The following DKK4 variants were observed in gnomAD, a reference collection of about 807,000 sequenced individuals.
DKK4 encodes the protein dickkopf-related protein 4.
DKK4 carries 15 observed loss-of-function variants against 14.5 expected under a neutral mutation model. That is an observed-to-expected ratio of 1.03 (90% CI 0.69 to 1.59). DKK4 has a LOEUF of 1.59. Among genes scored for constraint, DKK4 ranks in the 40% most tolerant of loss-of-function variants. The pLI, the probability that DKK4 is intolerant of heterozygous loss-of-function variation, is 0.00. For missense variants in DKK4, 272 were observed against 280.3 expected (o/e 0.97, Z 0.21); for synonymous variants, 89 against 105.2 (o/e 0.85, Z 0.94).
At chr8:42,379,384 G>T (rs34874272), upstream of DKK4, among the ~76,000 whole-genome samples, 5,115 of 17,358 alleles carry the variant, frequency 0.29, 194 homozygotes, top group East Asian at 0.33. Flanking sequence ...TATATAGAGA[G>T]AGAGAGAGAG....
At chr8:42,376,253 G>C (rs1455120477) in intron 1 of DKK4, among the ~76,000 whole-genome samples, 3 of 152,076 alleles carry the variant, frequency 2.0e-5, no homozygotes, top group African/African-American at 7.2e-5. Flanking sequence ...ATTTAGCTTA[G>C]AGACCCTTCC....
chr8:42,386,912 A>C, the DKK4 span, among the ~76,000 whole-genome samples: 1 of 152,148 alleles, frequency 6.6e-6, no homozygotes, highest in East Asian at 1.9e-4. Context: ...CTGTTTTTTC[A>C]ATCTCTGAGA....
At chr8:42,377,823 G>A (rs574999609), upstream of DKK4, among the ~76,000 whole-genome samples, 3 of 152,334 alleles carry the variant, frequency 2.0e-5, no homozygotes, top group African/African-American at 7.2e-5. Flanking sequence ...TCCTTTAAAT[G>A]AAAATTGAAC....
chr8:42,381,629 C>G (rs116377230), upstream of DKK4, among the ~76,000 whole-genome samples: 453 of 152,312 alleles, frequency 3.0e-3, 5 homozygotes, highest in African/African-American at 0.01. Context: ...CTGCCCTGAT[C>G]TGTGCATACG....
At chr8:42,390,114 G>A in the DKK4 span, among the ~76,000 whole-genome samples, 1 of 151,880 alleles carries the variant, frequency 6.6e-6, no homozygotes, top group Admixed American at 6.6e-5. Flanking sequence ...GGCTGGTCTC[G>A]AACTCCTGAC....
At chr8:42,390,353 GCTTC>G in the DKK4 span, among the ~76,000 whole-genome samples, 1 of 139,898 alleles carries the variant, frequency 7.1e-6, no homozygotes, top group Non-Finnish European at 1.5e-5. Context: ...CATATCTTTT[GCTTC>G]CTTTTTTTTT....
chr8:42,375,585 C>T (rs117141009), intron 2 of DKK4, 95 bp downstream of exon 2: 26,253 of 1,428,456 alleles, frequency 0.018, 330 homozygotes, highest in Non-Finnish European at 0.021. Context: ...ATCTAGGAAG[C>T]ACCATTAGAG....
chr8:42,378,943 CA>C (rs1166439885), upstream of DKK4, among the ~76,000 whole-genome samples: 405 of 49,466 alleles, frequency 8.2e-3, 1 homozygote, highest in Middle Eastern at 0.029. Context: ...CCTGTCTCCA[CA>C]AAAAAAAAAA....
upstream of DKK4, among the ~76,000 whole-genome samples, chr8:42,380,314 G>A (rs1824648672): frequency 6.6e-6 from 1 of 151,208 alleles, no homozygotes; most frequent in South Asian, 2.1e-4. Flanking sequence ...GACAGAGCGA[G>A]ACCCTGTCCT....
chr8:42,380,122 C>T (rs1299999674), upstream of DKK4, among the ~76,000 whole-genome samples: 3 of 152,074 alleles, frequency 2.0e-5, no homozygotes, highest in African/African-American at 7.2e-5. Context: ...CACTTGAAGC[C>T]AGGAGTTCAA....
chr8:42,386,986 C>G, the DKK4 span, among the ~76,000 whole-genome samples: 1 of 152,188 alleles, frequency 6.6e-6, no homozygotes, highest in Non-Finnish European at 1.5e-5. Context: ...TACCTTGGCT[C>G]AGCGGGTGAC....
the DKK4 span, among the ~76,000 whole-genome samples, chr8:42,390,616 G>T: frequency 6.6e-6 from 1 of 152,028 alleles, no homozygotes; most frequent in African/African-American, 2.4e-5. Context: ...GCCCGCCTCT[G>T]CCTCCCAAAG....
chr8:42,384,430 A>G, the DKK4 span, among the ~76,000 whole-genome samples: 1 of 152,256 alleles, frequency 6.6e-6, no homozygotes, highest in Non-Finnish European at 1.5e-5. Context: ...GTCATGAGCC[A>G]CAGTGCCCAG....
the DKK4 span, among the ~76,000 whole-genome samples, chr8:42,383,318 CG>C: frequency 2.5e-4 from 38 of 152,316 alleles, no homozygotes; most frequent in African/African-American, 8.4e-4. Flanking sequence ...CTTTTGCAGA[CG>C]GTATAGCCTC....
At chr8:42,390,509 G>A in the DKK4 span, among the ~76,000 whole-genome samples, 1 of 150,730 alleles carries the variant, frequency 6.6e-6, no homozygotes, top group Non-Finnish European at 1.5e-5. Flanking sequence ...GACTACAGGC[G>A]CCCGCCACCA....
chr8:42,375,317 G>A (rs1263649198), intron 2 of DKK4, among the ~76,000 whole-genome samples: 1 of 152,076 alleles, frequency 6.6e-6, no homozygotes, highest in African/African-American at 2.4e-5. Context: ...GAGGTAGGTG[G>A]ATCACCTGAG....
the DKK4 span, among the ~76,000 whole-genome samples, chr8:42,387,117 C>T: frequency 2.0e-5 from 3 of 152,142 alleles, no homozygotes; most frequent in East Asian, 1.9e-4. Context: ...ACACGAAAGA[C>T]GCTTAGCAAA....
At position 42,374,064 on chromosome 8, in the gene DKK4, C is replaced by G. The variant is rs773793925; in HGVS notation, c.*36G>C. 1 of 1,607,796 alleles carries G rather than the reference C, an allele frequency of 6.2e-7. No individual in the cohort carries two copies. The highest frequency in any genetic ancestry group is 8.5e-7 in the Non-Finnish European group (1 of 1,178,496). Reference sequence around the variant, plus strand: ...TAAAGTTAATGTCCAAGATTGAGCTCAAATGCAATGTGGATTCTTCTTTAT... The same window carrying G: ...TAAAGTTAATGTCCAAGATTGAGCTGAAATGCAATGTGGATTCTTCTTTAT... On this transcript the variant is annotated 3_prime_UTR_variant, in exon 4 of 4. Coordinates refer to ENST00000220812, the MANE Select transcript of DKK4 (RefSeq NM_014420.3).
At position 42,377,034 on chromosome 8, in the gene DKK4, G is replaced by C; in HGVS notation, c.12C>G (p.Ala4=). 6.2e-7 allele frequency: 1 copy of C among 1,612,652 alleles called. No individual in the cohort carries two copies. Among genetic ancestry groups the C allele is most frequent in the Non-Finnish European group, 8.5e-7 (1 of 1,179,972 alleles). The change falls in exon 1 of 4, where the codon GCC becomes GCG. Residue 4 remains alanine, a synonymous_variant. Transcript: ENST00000220812. The part of the protein sequence containing the change: MVA[A]VLLGLSWLCS... ...AGAGCCAGCTCAGCCCCAGCAGGAC[G>C]GCCGCCACCATCCTTCAATCCCGGG...
Sources: gnomAD v4.1 joint callset for allele counts (sites outside exome capture counted in the v4.1 genomes callset) on GRCh38, gnomAD v4.1.1 for gene constraint, MANE v1.5 for transcripts, NCBI Gene and HGNC (gene_info 2026-07-23, HGNC 2026-07-21) for gene names.